The following TRAK2 variants were observed in gnomAD, a reference collection of about 807,000 sequenced individuals.
The protein encoded by TRAK2 is trafficking kinesin protein 2.
Under a neutral mutation model 104.6 loss-of-function variants are expected in TRAK2, and 81 were observed. That is an observed-to-expected ratio of 0.77 (90% CI 0.65 to 0.93). TRAK2 has a LOEUF of 0.93. Ranked by LOEUF, TRAK2 falls within the 40% of genes least tolerant of loss-of-function variation. TRAK2 has a pLI of 0.00. For synonymous variants in TRAK2, 406 were observed against 394.4 expected (o/e 1.03, Z -0.35); for missense variants, 1,002 against 1,089.0 (o/e 0.92, Z 1.12).
Position 201,397,570 on chromosome 2 carries a change from A to C in TRAK2, c.701T>G (p.Ile234Arg). ...NMALRSKACH[I>R]KTETVTYEEK... is the part of the protein sequence containing the mutation. Reference sequence around the variant, plus strand: ...TTCATAGGTAACAGTTTCTGTCTTTATGTGACAAGCCTTCAAGAAAAAAAT... The same window carrying C: ...TTCATAGGTAACAGTTTCTGTCTTTCTGTGACAAGCCTTCAAGAAAAAAAT... Residue 234 changes from isoleucine (I) to arginine (R), a missense_variant, in exon 7 of 16, where the codon ATA becomes AGA. Physicochemically the swap from Ile to Arg is moderately conservative, Grantham distance 97. Transcript: ENST00000332624. 1 of 1,612,354 alleles carries C rather than the reference A, an allele frequency of 6.2e-7. No individual in the cohort carries two copies. The highest frequency in any genetic ancestry group is 8.5e-7 in the Non-Finnish European group (1 of 1,178,832).
intron 4 of TRAK2, among the ~76,000 whole-genome samples, chr2:201,399,952 A>G (rs1951535982): frequency 6.6e-6 from 1 of 152,094 alleles, no homozygotes; most frequent in Non-Finnish European, 1.5e-5. Context: ...GTATGTAAAA[A>G]AAGAGTTCCA....
Position 201,380,945 on chromosome 2 carries a change from T to C in TRAK2, c.2343A>G (p.Pro781=). Residue 781 remains proline, a synonymous_variant, in exon 16 of 16, where the codon CCA becomes CCG. Transcript: ENST00000332624. ...LAIPSTPPNS[P]SHSPCPSPLP... is the part of the protein sequence containing the mutation. ...AAGGAGAAGGGCAAGGTGAGTGAGA[T>C]GGTGAATTTGGTGGTGTGGAAGGGA... The C allele has an allele frequency of 6.2e-7, 1 of 1,613,902 alleles. No individual in the cohort carries two copies. Among genetic ancestry groups the C allele is most frequent in the Non-Finnish European group, 8.5e-7 (1 of 1,179,940 alleles).
intron 4 of TRAK2, among the ~76,000 whole-genome samples, chr2:201,400,210 T>A (rs6751543): frequency 6.6e-6 from 1 of 151,738 alleles, no homozygotes; most frequent in African/African-American, 2.4e-5. Flanking sequence ...TCTGGGCAGA[T>A]AGTGATACTT....
chr2:201,399,005 C>T (rs974024761), intron 5 of TRAK2, among the ~76,000 whole-genome samples: 2 of 152,018 alleles, frequency 1.3e-5, no homozygotes, highest in Non-Finnish European at 2.9e-5. Flanking sequence ...TTTTTACTTT[C>T]TTCCTTTGTT....
Position 201,431,951 on chromosome 2 carries a change from G to A in TRAK2, c.-199-11245C>T, listed in dbSNP as rs536783075. On this transcript the variant is annotated intron_variant, in intron 1 of 15. Coordinates refer to ENST00000332624, the MANE Select transcript of TRAK2 (RefSeq NM_015049.3). ...ATAATAGTAGCAGCTACCTCAGAGG[G>A]TTATTGGGAAATAACATGAGTTAAT... Among the ~76,000 whole-genome samples the A allele has an allele frequency of 8.1e-4, 123 of 152,308 alleles. 2 individuals are homozygous for A. The highest frequency in any genetic ancestry group is 2.9e-3 in the African/African-American group (119 of 41,550).
At chr2:201,436,706 T>C (rs1951882204) in intron 1 of TRAK2, among the ~76,000 whole-genome samples, 1 of 152,208 alleles carries the variant, frequency 6.6e-6, no homozygotes, top group Non-Finnish European at 1.5e-5. Flanking sequence ...TGACTCTAAA[T>C]CCTTCAGTTA....
At position 201,389,855 on chromosome 2, in the gene TRAK2, C is replaced by T. The variant is rs1471324149; in HGVS notation, c.1139G>A (p.Gly380Glu). 13 of 1,613,136 alleles carry T rather than the reference C, an allele frequency of 8.1e-6. No individual in the cohort carries two copies. Among genetic ancestry groups the T allele is most frequent in the Non-Finnish European group, 1.1e-5 (13 of 1,179,756 alleles). Residue 380 changes from glycine (G) to glutamate (E), a missense_variant, in exon 11 of 16, where the codon GGG becomes GAG. Coordinates refer to ENST00000332624, the MANE Select transcript of TRAK2 (RefSeq NM_015049.3). The part of the protein sequence containing the change: ...TGESLAAEIE[G>E]TMRKKLSLDE... Reference sequence around the variant, plus strand: ...CAAACTCAGCTTTTTACGCATAGTCCCCTCAATCTCAGCTGCCAAAGATTC... The same window carrying T: ...CAAACTCAGCTTTTTACGCATAGTCTCCTCAATCTCAGCTGCCAAAGATTC...
At chr2:201,403,489 A>C (rs556667174) in intron 3 of TRAK2, among the ~76,000 whole-genome samples, 50 of 152,314 alleles carry the variant, frequency 3.3e-4, no homozygotes, top group African/African-American at 1.2e-3. Context: ...AGCCCCACTA[A>C]GAACATAAAA....
chr2:201,400,037 A>G (rs555171276), intron 4 of TRAK2, among the ~76,000 whole-genome samples: 5 of 152,126 alleles, frequency 3.3e-5, no homozygotes, highest in African/African-American at 4.8e-5. Flanking sequence ...AACTGGTTCA[A>G]GAATGATGAT....
chr2:201,387,761 A>C lies in TRAK2; in HGVS notation c.1638T>G (p.Ser546Arg). The change falls in exon 13 of 16, where the codon AGT (serine) becomes AGG (arginine). Residue 546 changes from serine (S) to arginine (R), a missense_variant. Ser to Arg is a moderately radical substitution (Grantham distance 110). Transcript: ENST00000332624. ...TTQSEITDLS[S>R]ASCLRGFMPE... is the part of the protein sequence containing the mutation. ...GCATAAAACCTCGAAGGCAACTGGC[A>C]CTGCTGAGGTCTGTGATCTCTGACT... 6.2e-7 allele frequency: 1 copy of C among 1,613,316 alleles called. No homozygotes were observed. Among genetic ancestry groups the C allele is most frequent in the Non-Finnish European group, 8.5e-7 (1 of 1,179,666 alleles).
chr2:201,417,662 C>T (rs1951706116), intron 2 of TRAK2, among the ~76,000 whole-genome samples: 1 of 152,084 alleles, frequency 6.6e-6, no homozygotes, highest in South Asian at 2.1e-4. Flanking sequence ...ATTGGAAATA[C>T]GTCAAGGATG....
chr2:201,413,730 G>A (rs1213906821), intron 2 of TRAK2, among the ~76,000 whole-genome samples: 1 of 151,788 alleles, frequency 6.6e-6, no homozygotes, highest in African/African-American at 2.4e-5. Flanking sequence ...CCTGGGTCTC[G>A]ACTTCCTATC....
intron 2 of TRAK2, among the ~76,000 whole-genome samples, chr2:201,414,291 T>A (rs1162197522): frequency 6.6e-6 from 1 of 151,992 alleles, no homozygotes; most frequent in African/African-American, 2.4e-5. Context: ...AAAAGGAGAG[T>A]TATTTCTGTT....
chr2:201,427,702 G>A (rs890292519), intron 1 of TRAK2, among the ~76,000 whole-genome samples: 5 of 152,228 alleles, frequency 3.3e-5, no homozygotes, highest in Non-Finnish European at 5.9e-5. Context: ...TGGGACGGCT[G>A]GGTCAAATGG....
At chr2:201,404,548 G>A (rs901506545) in intron 3 of TRAK2, among the ~76,000 whole-genome samples, 3 of 152,098 alleles carry the variant, frequency 2.0e-5, no homozygotes, top group African/African-American at 4.8e-5. Flanking sequence ...TTTATGTTCT[G>A]TCCCTGCATA....
At chr2:201,408,350 G>T (rs1488112549) in intron 2 of TRAK2, among the ~76,000 whole-genome samples, 5 of 151,368 alleles carry the variant, frequency 3.3e-5, no homozygotes, top group African/African-American at 1.2e-4. Context: ...TTAGGTTCAG[G>T]GGTCCATGTG....
chr2:201,410,908 C>G (rs1951640329), intron 2 of TRAK2: 2 of 1,585,542 alleles, frequency 1.3e-6, no homozygotes, highest in Non-Finnish European at 1.7e-6. Context: ...GGGAGGTGTT[C>G]CAGAGTCATT....
At chr2:201,404,581 C>G (rs1951577366) in intron 3 of TRAK2, among the ~76,000 whole-genome samples, 1 of 152,172 alleles carries the variant, frequency 6.6e-6, no homozygotes, top group South Asian at 2.1e-4. Context: ...CTAGCTCAAT[C>G]TCACATTATT....
At chr2:201,419,929 C>G (rs1038910588) in intron 2 of TRAK2, among the ~76,000 whole-genome samples, 2 of 152,060 alleles carry the variant, frequency 1.3e-5, no homozygotes, top group African/African-American at 4.8e-5. Flanking sequence ...TAGAAACAGC[C>G]AAAGTCTGGT....
Sources: allele counts gnomAD v4.1 joint callset (sites outside exome capture counted in the v4.1 genomes callset), GRCh38; gene constraint gnomAD v4.1.1; transcripts MANE v1.5; gene names NCBI Gene and HGNC (gene_info 2026-07-23, HGNC 2026-07-21).